Variants in BRD10 observed in about 807,000 individuals in gnomAD.
The protein encoded by BRD10 is uncharacterized bromodomain-containing protein 10.
At chr9:6,005,543 T>A in the BRD10 span, among the ~76,000 whole-genome samples, 2 of 152,200 alleles carry the variant, frequency 1.3e-5, no homozygotes, top group African/African-American at 2.4e-5. Context: ...CACACAGAGC[T>A]TTTGAAAACA....
chr9:5,916,016 G>T, the BRD10 span, among the ~76,000 whole-genome samples: 2 of 152,122 alleles, frequency 1.3e-5, no homozygotes, highest in Non-Finnish European at 2.9e-5. Flanking sequence ...TCTCCAGGTT[G>T]TAAGAACCTT....
At chr9:5,995,253 G>A in the BRD10 span, among the ~76,000 whole-genome samples, 2 of 152,110 alleles carry the variant, frequency 1.3e-5, no homozygotes, top group East Asian at 3.9e-4. Context: ...GCAGGTGACT[G>A]CCCATAACTT....
the BRD10 span, among the ~76,000 whole-genome samples, chr9:5,945,733 T>G: frequency 6.6e-6 from 1 of 152,100 alleles, no homozygotes; most frequent in African/African-American, 2.4e-5. Context: ...AAAATTATAC[T>G]GAATTTCTCC....
At chr9:5,973,196 G>A in the BRD10 span, among the ~76,000 whole-genome samples, 1 of 152,248 alleles carries the variant, frequency 6.6e-6, no homozygotes, top group African/African-American at 2.4e-5. Flanking sequence ...GTTGGGCCCT[G>A]TGGCTCGTGC....
the BRD10 span, among the ~76,000 whole-genome samples, chr9:5,899,656 A>G: frequency 6.6e-6 from 1 of 152,244 alleles, no homozygotes; most frequent in Non-Finnish European, 1.5e-5. Flanking sequence ...TCTCTGCCAT[A>G]GAACTCCATT....
the BRD10 span, among the ~76,000 whole-genome samples, chr9:5,938,443 T>A: frequency 1.3e-5 from 2 of 152,056 alleles, no homozygotes; most frequent in Non-Finnish European, 2.9e-5. Flanking sequence ...AAGGAGCCCC[T>A]ATCTTAAAAA....
the BRD10 span, among the ~76,000 whole-genome samples, chr9:5,995,060 C>T: frequency 1.3e-5 from 2 of 152,072 alleles, no homozygotes; most frequent in Admixed American, 1.3e-4. Context: ...CCACCACGCC[C>T]GGCTAATTTT....
At chr9:5,929,549 A>C in the BRD10 span, among the ~76,000 whole-genome samples, 1 of 152,256 alleles carries the variant, frequency 6.6e-6, no homozygotes, top group Non-Finnish European at 1.5e-5. Flanking sequence ...ACTGGGGAAA[A>C]GGGAGAAAAG....
the BRD10 span, among the ~76,000 whole-genome samples, chr9:5,955,412 GTACA>G: frequency 2.0e-5 from 3 of 152,186 alleles, no homozygotes; most frequent in South Asian, 4.2e-4. Context: ...AAATGAATGC[GTACA>G]TAAAGTAACT....
the BRD10 span, among the ~76,000 whole-genome samples, chr9:5,938,862 C>T: frequency 1.3e-5 from 2 of 152,160 alleles, no homozygotes; most frequent in South Asian, 2.1e-4. Flanking sequence ...CTAAATAAAA[C>T]TAATTTTAAG....
chr9:5,951,019 T>C, the BRD10 span, among the ~76,000 whole-genome samples: 6 of 145,986 alleles, frequency 4.1e-5, no homozygotes, highest in African/African-American at 1.5e-4. Context: ...AACCTACAGA[T>C]ACAGAGGGCT....
the BRD10 span, among the ~76,000 whole-genome samples, chr9:5,907,880 G>C: frequency 6.6e-6 from 1 of 152,186 alleles, no homozygotes; most frequent in African/African-American, 2.4e-5. Context: ...TTGAACCCGG[G>C]AGGTGGAGGT....
At chr9:5,939,452 A>G in the BRD10 span, among the ~76,000 whole-genome samples, 3 of 152,216 alleles carry the variant, frequency 2.0e-5, no homozygotes, top group Non-Finnish European at 4.4e-5. Flanking sequence ...TTCCTATACT[A>G]AGGGAAGCTA....
the BRD10 span, among the ~76,000 whole-genome samples, chr9:5,903,642 G>C: frequency 6.6e-6 from 1 of 152,070 alleles, no homozygotes; most frequent in African/African-American, 2.4e-5. Context: ...TTTCCTTGCA[G>C]TTCTATCAGT....
the BRD10 span, chr9:5,919,524 TAATGAAAAGATAC>T: frequency 3.9e-6 from 2 of 509,504 alleles, no homozygotes; most frequent in Admixed American, 8.5e-5. Flanking sequence ...TGTTGCAAGC[TAATGAAAAGATAC>T]ATTAAAACAC....
the BRD10 span, chr9:5,919,998 T>C: frequency 2.7e-5 from 44 of 1,613,868 alleles, no homozygotes; most frequent in Non-Finnish European, 3.6e-5. Flanking sequence ...AGTGATACTG[T>C]TGGTACAGGA....
chr9:5,928,160 C>G, the BRD10 span, among the ~76,000 whole-genome samples: 1 of 152,062 alleles, frequency 6.6e-6, no homozygotes, highest in Non-Finnish European at 1.5e-5. Flanking sequence ...TCCTCACTTT[C>G]TCTCATACTC....
chr9:5,923,390 C>T, the BRD10 span: 2 of 1,094,434 alleles, frequency 1.8e-6, no homozygotes, highest in Non-Finnish European at 2.6e-6. Flanking sequence ...AAAAGAAAGT[C>T]AATCTTTGAG....
the BRD10 span, among the ~76,000 whole-genome samples, chr9:5,901,267 G>T: frequency 9.9e-5 from 15 of 152,224 alleles, no homozygotes; most frequent in East Asian, 2.7e-3. Flanking sequence ...TGCTGAAAAG[G>T]AGTGGTGAGA....
Sources: allele counts gnomAD v4.1 joint callset (sites outside exome capture counted in the v4.1 genomes callset), GRCh38; gene constraint gnomAD v4.1.1; transcripts MANE v1.5; gene names NCBI Gene and HGNC (gene_info 2026-07-23, HGNC 2026-07-21).